Variants in SPATA6L observed in about 807,000 individuals in gnomAD.
SPATA6L encodes spermatogenesis associated 6 like, also known as spermatogenesis associated 6-like protein.
Under a neutral mutation model 49.2 loss-of-function variants are expected in SPATA6L, and 68 were observed. The ratio of observed to expected loss-of-function variants is 1.38; its 90% CI spans 1.14 to 1.69. SPATA6L has a LOEUF of 1.69. SPATA6L is among the 40% of genes most tolerant of loss of function. The pLI is 0.00. For missense variants in SPATA6L, 668 were observed against 464.3 expected, an observed-to-expected ratio of 1.44 and a Z score of -4.03; for synonymous variants, 198 against 165.7, an observed-to-expected ratio of 1.19 and a Z score of -1.50.
chr9:4,605,949 TGC>T (rs956081082), intron 9 of SPATA6L, among the ~76,000 whole-genome samples: 5 of 152,234 alleles, frequency 3.3e-5, no homozygotes, highest in African/African-American at 7.2e-5. Context: ...GGCCAGTGTG[TGC>T]GCGCACCGTG....
rs1353467051 is a variant in SPATA6L, at chr9:4,659,637, C to T, written c.177+2262G>A. On this transcript the variant is annotated intron_variant, in intron 2 of 11. Transcript: ENST00000682582. ...TTTATAGACTCAATGCCATCCCCAT[C>T]AAGCTACCAATGACTTTCTTCACAG... Among the ~76,000 whole-genome samples the T allele has an allele frequency of 2.0e-5, 3 of 152,180 alleles. No homozygotes were observed. In the East Asian group the frequency reaches 5.8e-4, roughly 29 times the overall value.
chr9:4,625,217 C>A, intron 6 of SPATA6L, 110 bp downstream of exon 6: 4 of 1,443,618 alleles, frequency 2.8e-6, no homozygotes, highest in South Asian at 1.6e-5. Flanking sequence ...TTTGAAGTAC[C>A]TTTTTATTGA....
chr9:4,601,380 G>A (rs111852881), intron 11 of SPATA6L, among the ~76,000 whole-genome samples: 1 of 124,520 alleles, frequency 8.0e-6, no homozygotes, highest in South Asian at 2.6e-4. Flanking sequence ...TTTTTTTTTT[G>A]TTTGGTTTTT....
rs779075073 is a variant in SPATA6L at position 4,662,744 on chromosome 9, G to C, written c.40-708C>G. On this transcript the variant is annotated intron_variant, in intron 1 of 11. Transcript: ENST00000682582. This position sits in a 1 kb window ranked among gnomAD's most constrained non-coding sequence, Gnocchi z 4.9. ...AGAAGCTGGGGGTGTGCGCGGGAGA[G>C]AGCTCGTCGTGGGGCAGCGTGCGAC... 2.4e-5 allele frequency: 38 copies of C among 1,603,432 alleles called. No individual in the cohort carries two copies. Among genetic ancestry groups the C allele is most frequent in the Middle Eastern group, 3.3e-4 (2 of 6,084 alleles).
chr9:4,598,008 CT>C (rs1261135080), downstream of SPATA6L, among the ~76,000 whole-genome samples: 2 of 152,216 alleles, frequency 1.3e-5, no homozygotes, highest in Non-Finnish European at 2.9e-5. Context: ...CAAATTACAC[CT>C]AAAACCCGCC....
intron 4 of SPATA6L, among the ~76,000 whole-genome samples, chr9:4,632,673 G>C (rs1022307462): frequency 6.6e-6 from 1 of 151,860 alleles, no homozygotes; most frequent in Non-Finnish European, 1.5e-5. Context: ...CTAGCACCTA[G>C]ATTACAGCCA....
chr9:4,653,240 C>G (rs1030355547), intron 3 of SPATA6L, among the ~76,000 whole-genome samples: 2 of 152,082 alleles, frequency 1.3e-5, no homozygotes, highest in African/African-American at 4.8e-5. Flanking sequence ...ACAAGGGTAC[C>G]AAGACAATTC....
chr9:4,666,309 A>C lies in SPATA6L; in HGVS notation c.-59T>G. The stretch of plus-strand genomic sequence containing the variant: ...AAGATCCTTTTGTGCCGAGCCTTGG[A>C]CCAATTTTTCTTAGTTTAGCTGAAT... On this transcript the variant is annotated 5_prime_UTR_variant, in exon 1 of 12. Coordinates refer to ENST00000682582, the MANE Select transcript of SPATA6L (RefSeq NM_001353486.2). 2 of 1,597,866 alleles carry C rather than the reference A, an allele frequency of 1.3e-6. No homozygotes were observed. The highest frequency in any genetic ancestry group is 2.2e-5 in the South Asian group (2 of 90,344).
chr9:4,636,255 T>G (rs1354083473), intron 3 of SPATA6L, among the ~76,000 whole-genome samples: 3 of 152,190 alleles, frequency 2.0e-5, no homozygotes, highest in Non-Finnish European at 4.4e-5. Context: ...AATGCTTCAT[T>G]ATGCTTGATA....
rs1448849944 is a variant in SPATA6L, at chr9:4,606,354, C to G, written c.996-914G>C. 1.4e-5 allele frequency among the ~76,000 whole-genome samples: 2 copies of G among 138,202 alleles called. 1 individual carries two copies. Among genetic ancestry groups the G allele is most frequent in the Non-Finnish European group, 3.1e-5 (2 of 65,196 alleles). The allele number at this position is 138,202 out of a possible 152,430, so 90.7% of individuals were successfully genotyped here. On this transcript the variant is annotated intron_variant, in intron 9 of 11. Coordinates refer to ENST00000682582, the MANE Select transcript of SPATA6L (RefSeq NM_001353486.2). ...GCCACGTCTGGGGGCAGGGCACAGACAAACAAAAAGACAGCAGTAACCTCT... is the reference window on the plus strand; with the variant it reads ...GCCACGTCTGGGGGCAGGGCACAGAGAAACAAAAAGACAGCAGTAACCTCT...
At chr9:4,651,580 C>G (rs1029158514) in intron 3 of SPATA6L, among the ~76,000 whole-genome samples, 1 of 152,084 alleles carries the variant, frequency 6.6e-6, no homozygotes, top group African/African-American at 2.4e-5. Flanking sequence ...GATTGTAAAT[C>G]CCAAAATCCT....
At chr9:4,605,993 A>G (rs1480405652) in intron 9 of SPATA6L, among the ~76,000 whole-genome samples, 1 of 152,166 alleles carries the variant, frequency 6.6e-6, no homozygotes, top group Non-Finnish European at 1.5e-5. Flanking sequence ...GCATTGCCTC[A>G]CTCGGGAAGC....
At chr9:4,666,123 G>A (rs1358849037) in intron 1 of SPATA6L, 89 bp downstream of exon 1, 7 of 1,107,772 alleles carry the variant, frequency 6.3e-6, no homozygotes, top group East Asian at 4.7e-5. Flanking sequence ...GTGGTAAGTG[G>A]GGGATGTGGG....
intron 13 of SPATA6L, among the ~76,000 whole-genome samples, chr9:4,592,933 G>A (rs1822002772): frequency 6.6e-6 from 1 of 152,084 alleles, no homozygotes; most frequent in African/African-American, 2.4e-5. Flanking sequence ...GAATAAAGTG[G>A]TTTAAGAAAA....
chr9:4,666,129 G>A, intron 1 of SPATA6L, 83 bp downstream of exon 1: 5 of 1,222,408 alleles, frequency 4.1e-6, no homozygotes, highest in Non-Finnish European at 6.1e-6. Context: ...AGTGGGGGAT[G>A]TGGGGGAGGG....
At chr9:4,590,033 C>T (rs1485396370) in intron 13 of SPATA6L, among the ~76,000 whole-genome samples, 1 of 152,190 alleles carries the variant, frequency 6.6e-6, no homozygotes, top group Non-Finnish European at 1.5e-5. Flanking sequence ...AAGTGATTCT[C>T]CCGCCTCAGC....
At position 4,666,402 on chromosome 9, in the gene SPATA6L, C is replaced by A. The variant is rs1031665192; in HGVS notation, c.-152G>T. 1 of 769,390 alleles carries A rather than the reference C, an allele frequency of 1.3e-6. No homozygotes were observed. The highest frequency in any genetic ancestry group is 2.1e-5 in the Admixed American group (1 of 46,564). 47.7% of individuals were successfully genotyped at this position (769,390 alleles called of 1,614,324 possible). On this transcript the variant is annotated 5_prime_UTR_variant, in exon 1 of 12. Coordinates refer to ENST00000682582, the MANE Select transcript of SPATA6L (RefSeq NM_001353486.2). ...CTTGTTCCCCTACCGTCCCCCCCAG[C>A]CCAGGTCCCTCCCACCGGGACGGGT...
chr9:4,647,979 C>A (rs905044530), intron 3 of SPATA6L, among the ~76,000 whole-genome samples: 3 of 151,952 alleles, frequency 2.0e-5, no homozygotes, highest in African/African-American at 7.3e-5. Context: ...GGACTACAGG[C>A]ACGTACCACA....
At chr9:4,658,145 A>T (rs1304021089) in intron 2 of SPATA6L, among the ~76,000 whole-genome samples, 1 of 152,202 alleles carries the variant, frequency 6.6e-6, no homozygotes, top group East Asian at 1.9e-4. Flanking sequence ...GAACAGTGAG[A>T]TGATATGTTT....
Sources: allele counts gnomAD v4.1 joint callset (sites outside exome capture counted in the v4.1 genomes callset), GRCh38; gene constraint gnomAD v4.1.1; non-coding constraint Gnocchi (gnomAD v3.1); transcripts MANE v1.5; gene names NCBI Gene and HGNC (gene_info 2026-07-23, HGNC 2026-07-21).